The following AGMO variants were observed in gnomAD, a reference collection of about 807,000 sequenced individuals.
The protein encoded by AGMO is alkylglycerol monooxygenase, also known as glyceryl-ether monooxygenase.
AGMO carries 75 observed loss-of-function variants against 60.2 expected under a neutral mutation model. That is an observed-to-expected ratio of 1.25 (90% CI 1.03 to 1.51). The LOEUF (loss-of-function observed/expected upper bound fraction) is 1.51, where lower values mean the gene tolerates loss of function less well. Ranked by LOEUF, AGMO falls within the 40% of genes most tolerant of loss-of-function variation. AGMO has a pLI of 0.00. For synonymous variants in AGMO, 261 were observed against 177.1 expected (o/e 1.47, Z -3.76); for missense variants, 763 against 525.5 (o/e 1.45, Z -4.42).
chr7:15,243,103 GA>G (rs1478756468), intron 12 of AGMO, among the ~76,000 whole-genome samples: 1 of 151,904 alleles, frequency 6.6e-6, no homozygotes, highest in Non-Finnish European at 1.5e-5. Context: ...TTTAGATACT[GA>G]AAATATCTTT....
chr7:15,557,491 T>A (rs954821475), intron 2 of AGMO, among the ~76,000 whole-genome samples: 1 of 152,070 alleles, frequency 6.6e-6, no homozygotes, highest in African/African-American at 2.4e-5. Flanking sequence ...TGAAATATTG[T>A]TTTAAGAATT....
intron 3 of AGMO, among the ~76,000 whole-genome samples, chr7:15,433,890 T>G (rs1035887580): frequency 2.0e-5 from 3 of 152,090 alleles, no homozygotes; most frequent in African/African-American, 7.2e-5. Context: ...CTTCCATTCA[T>G]TTGGCCAACA....
At chr7:15,232,981 A>C (rs185640048) in intron 12 of AGMO, among the ~76,000 whole-genome samples, 127 of 152,292 alleles carry the variant, frequency 8.3e-4, no homozygotes, top group African/African-American at 2.9e-3. Context: ...TTAAAGAGTA[A>C]ACAGAGGCTA....
At chr7:15,524,515 T>C (rs1258081659) in intron 3 of AGMO, among the ~76,000 whole-genome samples, 4 of 152,200 alleles carry the variant, frequency 2.6e-5, no homozygotes, top group Non-Finnish European at 4.4e-5. Flanking sequence ...AGGAAATTTG[T>C]ATTTTCCTTA....
intron 5 of AGMO, among the ~76,000 whole-genome samples, chr7:15,396,831 A>C (rs890470883): frequency 1.3e-5 from 2 of 152,036 alleles, no homozygotes; most frequent in Admixed American, 6.5e-5. Context: ...ATTTTGAGAG[A>C]GTGCTGAGTG....
intron 12 of AGMO, among the ~76,000 whole-genome samples, chr7:15,254,387 C>T (rs1304861114): frequency 1.3e-5 from 2 of 152,104 alleles, no homozygotes; most frequent in African/African-American, 2.4e-5. Context: ...TCTACATCCT[C>T]GCCAGCATCA....
At chr7:15,527,994 C>G (rs1784169592) in intron 3 of AGMO, among the ~76,000 whole-genome samples, 1 of 152,136 alleles carries the variant, frequency 6.6e-6, no homozygotes. Flanking sequence ...CCCATGAGCT[C>G]TGATGAAGAT....
intron 2 of AGMO, among the ~76,000 whole-genome samples, chr7:15,549,965 T>C (rs1340281552): frequency 1.3e-5 from 2 of 150,114 alleles, no homozygotes; most frequent in African/African-American, 4.9e-5. Context: ...TAACAAACTA[T>C]CTCTCAGACC....
At chr7:15,390,628 G>A in intron 8 of AGMO, 43 bp downstream of exon 8, 2 of 1,391,678 alleles carry the variant, frequency 1.4e-6, no homozygotes, top group Non-Finnish European at 2.0e-6. Flanking sequence ...TAAGATTTAT[G>A]AAATGATATA....
intron 3 of AGMO, among the ~76,000 whole-genome samples, chr7:15,486,936 T>C (rs961871217): frequency 5.9e-5 from 9 of 152,222 alleles, no homozygotes; most frequent in African/African-American, 2.2e-4. Flanking sequence ...AATGTCTTTC[T>C]TTGGCTGTCC....
At chr7:15,540,275 G>C (rs927358244) in intron 3 of AGMO, among the ~76,000 whole-genome samples, 1 of 152,170 alleles carries the variant, frequency 6.6e-6, no homozygotes, top group African/African-American at 2.4e-5. Flanking sequence ...TGGTGACAGA[G>C]AAACTTACTA....
intron 12 of AGMO, among the ~76,000 whole-genome samples, chr7:15,277,689 C>A (rs918486896): frequency 6.6e-6 from 1 of 151,704 alleles, no homozygotes; most frequent in Non-Finnish European, 1.5e-5. Context: ...TAATAAATGG[C>A]AATTACAGGT....
chr7:15,534,525 C>A (rs893955518), intron 3 of AGMO, among the ~76,000 whole-genome samples: 5 of 152,030 alleles, frequency 3.3e-5, no homozygotes, highest in African/African-American at 4.8e-5. Flanking sequence ...TCATGTCTAA[C>A]TTCAGTATAA....
intron 12 of AGMO, among the ~76,000 whole-genome samples, chr7:15,282,289 A>C (rs191510414): frequency 2.0e-5 from 3 of 152,102 alleles, no homozygotes; most frequent in Admixed American, 1.3e-4. Flanking sequence ...ACTCAAGGAG[A>C]TATCAAGAAA....
chr7:15,122,414 A>G, the AGMO span, among the ~76,000 whole-genome samples: 1 of 152,174 alleles, frequency 6.6e-6, no homozygotes, highest in African/African-American at 2.4e-5. Context: ...AATAGAATCA[A>G]TGCACCAATT....
intron 12 of AGMO, among the ~76,000 whole-genome samples, chr7:15,358,611 C>G (rs1426711796): frequency 6.6e-6 from 1 of 152,118 alleles, no homozygotes; most frequent in African/African-American, 2.4e-5. Context: ...CCTTAAACTT[C>G]CACTCTCCTG....
At chr7:15,298,592 G>T (rs1402581725) in intron 12 of AGMO, among the ~76,000 whole-genome samples, 4 of 152,008 alleles carry the variant, frequency 2.6e-5, no homozygotes, top group Admixed American at 2.0e-4. Context: ...TGAAGAGACT[G>T]GGTTTCTCCA....
Position 15,202,403 on chromosome 7 carries a change from G to C in AGMO, c.1264-1044C>G, listed in dbSNP as rs193150483. Reference sequence around the variant, plus strand: ...AAATACCTTGAACTATGCTGATTTTGCTATTAAAGCATGAATGAGGAAAAA... The same window carrying C: ...AAATACCTTGAACTATGCTGATTTTCCTATTAAAGCATGAATGAGGAAAAA... On this transcript the variant is annotated intron_variant, in intron 12 of 12. Transcript: ENST00000342526. Among the ~76,000 whole-genome samples, 37 of 127,340 alleles carry C rather than the reference G, an allele frequency of 2.9e-4. No homozygotes were observed. The East Asian group carries it at 9.3e-3, about 32-fold the overall frequency. The allele number at this position is 127,340 out of a possible 152,430, so 83.5% of individuals were successfully genotyped here.
intron 12 of AGMO, among the ~76,000 whole-genome samples, chr7:15,251,434 T>A (rs1782935390): frequency 6.6e-6 from 1 of 151,808 alleles, no homozygotes; most frequent in South Asian, 2.1e-4. Context: ...GAGGGGAGAG[T>A]AAGTCAATGA....
Sources: gnomAD v4.1 joint callset for allele counts (sites outside exome capture counted in the v4.1 genomes callset) on GRCh38, gnomAD v4.1.1 for gene constraint, MANE v1.5 for transcripts, NCBI Gene and HGNC (gene_info 2026-07-23, HGNC 2026-07-21) for gene names.